DLG2: variants seen among roughly 807,000 people sequenced by gnomAD.
The protein encoded by DLG2 is disks large homolog 2.
A neutral mutation model predicts 132.5 loss-of-function variants in DLG2; 45 were observed. The ratio of observed to expected loss-of-function variants is 0.34; its 90% CI spans 0.27 to 0.44. The LOEUF (loss-of-function observed/expected upper bound fraction) is 0.44. DLG2 is among the 20% of genes least tolerant of loss of function. DLG2 has a pLI of 1.00. For missense variants in DLG2, 1,045 were observed against 1,196.9 expected (o/e 0.87, Z 1.87); for synonymous variants, 424 against 419.6 (o/e 1.01, Z -0.13).
chr11:85,089,954 G>A (rs2068507571), intron 6 of DLG2, among the ~76,000 whole-genome samples: 1 of 152,110 alleles, frequency 6.6e-6, no homozygotes, highest in South Asian at 2.1e-4. Flanking sequence ...AAAGAAAAGG[G>A]AACTTCTATA....
intron 21 of DLG2, among the ~76,000 whole-genome samples, chr11:83,517,135 A>G (rs1239598829): frequency 1.3e-5 from 2 of 152,084 alleles, no homozygotes; most frequent in Non-Finnish European, 2.9e-5. Flanking sequence ...ACTTGGTTCC[A>G]TTCTCCCCGT....
intron 6 of DLG2, among the ~76,000 whole-genome samples, chr11:84,722,889 G>C (rs1397970263): frequency 6.6e-6 from 1 of 152,158 alleles, no homozygotes; most frequent in African/African-American, 2.4e-5. Flanking sequence ...TGAATAGCTG[G>C]AGGGACTCAG....
chr11:84,712,353 T>C (rs1565740222), intron 6 of DLG2, among the ~76,000 whole-genome samples: 1 of 152,104 alleles, frequency 6.6e-6, no homozygotes, highest in African/African-American at 2.4e-5. Flanking sequence ...CAAGTATGTA[T>C]TGTCAAGGGG....
At chr11:84,389,263 C>A (rs1201377771) in intron 7 of DLG2, among the ~76,000 whole-genome samples, 1 of 151,964 alleles carries the variant, frequency 6.6e-6, no homozygotes, top group Non-Finnish European at 1.5e-5. Context: ...GACTTGGGTA[C>A]TTTGCACAGC....
At chr11:85,095,511 C>T (rs2069583619) in intron 6 of DLG2, among the ~76,000 whole-genome samples, 1 of 151,982 alleles carries the variant, frequency 6.6e-6, no homozygotes, top group Non-Finnish European at 1.5e-5. Flanking sequence ...GTTGTTTTTT[C>T]AGTCCTATGG....
At chr11:85,588,480 T>C (rs1240231765) in intron 3 of DLG2, among the ~76,000 whole-genome samples, 3 of 152,190 alleles carry the variant, frequency 2.0e-5, no homozygotes, top group African/African-American at 7.2e-5. Flanking sequence ...TGAAACTTTC[T>C]GGTGCATTTT....
At chr11:84,480,111 C>G (rs1481115614) in intron 7 of DLG2, among the ~76,000 whole-genome samples, 1 of 152,128 alleles carries the variant, frequency 6.6e-6, no homozygotes, top group Non-Finnish European at 1.5e-5. Flanking sequence ...TGCAGAATGA[C>G]AGTGATTTTA....
At chr11:83,510,963 A>G (rs569889133) in intron 21 of DLG2, among the ~76,000 whole-genome samples, 1 of 150,176 alleles carries the variant, frequency 6.7e-6, no homozygotes, top group South Asian at 2.1e-4. Flanking sequence ...GATAAAAGCC[A>G]TGAAGATACA....
In DLG2 at chr11:85,285,378, T is replaced by C; in HGVS notation, c.41-13A>G. 6.2e-7 allele frequency: 1 copy of C among 1,608,264 alleles called. No homozygotes were observed. The highest frequency in any genetic ancestry group is 2.2e-5 in the East Asian group (1 of 44,718). ...AATTCTTGGATATCTGTAAAGAAAA[T>C]GTAAGGAAAGCATCAAAATGTAATG... On this transcript the variant is annotated splice_polypyrimidine_tract_variant and intron_variant, in intron 3 of 27. Transcript: ENST00000376104.
intron 3 of DLG2, among the ~76,000 whole-genome samples, chr11:85,400,597 C>T (rs988531832): frequency 7.6e-5 from 11 of 144,904 alleles, no homozygotes; most frequent in African/African-American, 2.8e-4. Context: ...GAATACTATG[C>T]AGCCATAAAA....
chr11:83,573,872 T>A (rs2144073694), intron 19 of DLG2, among the ~76,000 whole-genome samples: 1 of 152,278 alleles, frequency 6.6e-6, no homozygotes, highest in Non-Finnish European at 1.5e-5. Context: ...CGAGGCAGTA[T>A]AACACATTGG....
intron 4 of DLG2, among the ~76,000 whole-genome samples, chr11:85,264,744 C>G (rs1050638825): frequency 3.7e-4 from 56 of 152,174 alleles, no homozygotes; most frequent in Non-Finnish European, 4.1e-4. Context: ...ATCTTTCTCT[C>G]TCAAAATCAG....
intron 7 of DLG2, among the ~76,000 whole-genome samples, chr11:84,398,433 TG>T (rs1438394444): frequency 6.6e-6 from 1 of 152,194 alleles, no homozygotes; most frequent in Non-Finnish European, 1.5e-5. Context: ...TCAAAATTAA[TG>T]GTGACCAGGA....
At chr11:84,471,294 A>T (rs1272951280) in intron 7 of DLG2, among the ~76,000 whole-genome samples, 2 of 151,266 alleles carry the variant, frequency 1.3e-5, no homozygotes, top group Non-Finnish European at 3.0e-5. Context: ...AATGCTGTTC[A>T]CCCCTTCCCT....
intron 14 of DLG2, among the ~76,000 whole-genome samples, chr11:83,932,702 TA>T (rs768251205): frequency 0.049 from 2,065 of 42,296 alleles, 11 homozygotes; most frequent in Non-Finnish European, 0.16. Flanking sequence ...AATGAATAGA[TA>T]ATTTTTTTTT....
At chr11:84,423,844 T>C (rs906318303) in intron 7 of DLG2, among the ~76,000 whole-genome samples, 2 of 152,206 alleles carry the variant, frequency 1.3e-5, no homozygotes, top group Non-Finnish European at 2.9e-5. Flanking sequence ...TTCAAGAACA[T>C]ACAATGTTAA....
intron 10 of DLG2, among the ~76,000 whole-genome samples, chr11:84,080,931 G>C (rs747828323): frequency 6.6e-6 from 1 of 150,972 alleles, no homozygotes; most frequent in Non-Finnish European, 1.5e-5. Context: ...GGCAGAGGTT[G>C]CAGTGAGCCG....
At chr11:84,918,391 T>C (rs1401959211) in intron 6 of DLG2, among the ~76,000 whole-genome samples, 6 of 152,076 alleles carry the variant, frequency 3.9e-5, no homozygotes, top group Non-Finnish European at 8.8e-5. Flanking sequence ...TGTGACTGGG[T>C]TCCAGTTCTT....
intron 19 of DLG2, among the ~76,000 whole-genome samples, chr11:83,614,419 A>C (rs1029055172): frequency 6.6e-6 from 1 of 152,214 alleles, no homozygotes; most frequent in Non-Finnish European, 1.5e-5. Flanking sequence ...GTGCTTTAAT[A>C]GAAAAAAATA....
Sources: gnomAD v4.1 joint callset for allele counts (sites outside exome capture counted in the v4.1 genomes callset) on GRCh38, gnomAD v4.1.1 for gene constraint, MANE v1.5 for transcripts, NCBI Gene and HGNC (gene_info 2026-07-23, HGNC 2026-07-21) for gene names.